The following PLXDC2 variants were observed in gnomAD, a reference collection of about 807,000 sequenced individuals.
The protein encoded by PLXDC2 is plexin domain-containing protein 2.
PLXDC2 carries 40 observed loss-of-function variants against 68.9 expected under a neutral mutation model. The ratio of observed to expected loss-of-function variants is 0.58; its 90% CI spans 0.45 to 0.76. The LOEUF (loss-of-function observed/expected upper bound fraction) is 0.76. PLXDC2 is among the 30% of genes least tolerant of loss of function. The pLI, the probability that PLXDC2 is intolerant of heterozygous loss-of-function variation, is 0.00. For synonymous variants in PLXDC2, 243 were observed against 234.2 expected, an observed-to-expected ratio of 1.04 and a Z score of -0.34; for missense variants, 644 against 661.9, an observed-to-expected ratio of 0.97 and a Z score of 0.30.
At chr10:20,150,039 C>T (rs888056209) in intron 6 of PLXDC2, among the ~76,000 whole-genome samples, 13 of 152,228 alleles carry the variant, frequency 8.5e-5, no homozygotes, top group African/African-American at 1.9e-4. Flanking sequence ...CCCCCATCAT[C>T]GACATACCCC....
chr10:20,071,869 G>A (rs1192415520), intron 4 of PLXDC2, among the ~76,000 whole-genome samples: 1 of 152,156 alleles, frequency 6.6e-6, no homozygotes, highest in Non-Finnish European at 1.5e-5. Context: ...AGGCAAAGAG[G>A]CAGTTGAGAA....
chr10:19,964,727 C>T (rs1487309081), intron 1 of PLXDC2, among the ~76,000 whole-genome samples: 14 of 151,796 alleles, frequency 9.2e-5, no homozygotes, highest in Admixed American at 7.2e-4. Flanking sequence ...TGAGGGCAGG[C>T]ACCATTTGTT....
At chr10:19,920,220 G>A (rs1025247585) in intron 1 of PLXDC2, among the ~76,000 whole-genome samples, 9 of 152,138 alleles carry the variant, frequency 5.9e-5, no homozygotes, top group Non-Finnish European at 8.8e-5. Context: ...GATACATAAC[G>A]GGTGGTGGGG....
chr10:19,888,986 A>AT (rs933557433), intron 1 of PLXDC2, among the ~76,000 whole-genome samples: 5 of 151,776 alleles, frequency 3.3e-5, no homozygotes, highest in South Asian at 2.1e-4. Context: ...TTTGATAGAC[A>AT]TTTTTTTTCA....
chr10:19,839,574 C>T (rs1836865860), intron 1 of PLXDC2, among the ~76,000 whole-genome samples: 1 of 151,274 alleles, frequency 6.6e-6, no homozygotes, highest in Admixed American at 6.6e-5. Context: ...TTGCTTCACC[C>T]TTAATTCTTT....
At chr10:19,899,326 G>T (rs1036833081) in intron 1 of PLXDC2, among the ~76,000 whole-genome samples, 9 of 152,112 alleles carry the variant, frequency 5.9e-5, no homozygotes, top group African/African-American at 2.2e-4. Context: ...GTTATCATAA[G>T]GTCCGATTTC....
At chr10:20,151,557 C>G (rs897659666) in intron 6 of PLXDC2, among the ~76,000 whole-genome samples, 1 of 152,132 alleles carries the variant, frequency 6.6e-6, no homozygotes, top group Non-Finnish European at 1.5e-5. Flanking sequence ...CCCAAGACAT[C>G]TCAACCATTT....
chr10:20,174,579 G>A (rs905414993), intron 7 of PLXDC2, among the ~76,000 whole-genome samples: 2 of 151,944 alleles, frequency 1.3e-5, no homozygotes, highest in Non-Finnish European at 2.9e-5. Flanking sequence ...ATAATGTCAT[G>A]ATGAGTAATT....
intron 4 of PLXDC2, among the ~76,000 whole-genome samples, chr10:20,142,990 A>G (rs973154320): frequency 6.6e-6 from 1 of 152,052 alleles, no homozygotes; most frequent in African/African-American, 2.4e-5. Flanking sequence ...AATTACTTAT[A>G]ATACTGTATT....
intron 4 of PLXDC2, among the ~76,000 whole-genome samples, chr10:20,107,035 C>CTA (rs1230530945): frequency 6.8e-6 from 1 of 147,914 alleles, no homozygotes; most frequent in African/African-American, 2.5e-5. Context: ...ACACCATATA[C>CTA]TATATATATA....
chr10:20,272,133 G>C (rs1255166229), intron 13 of PLXDC2, among the ~76,000 whole-genome samples: 1 of 152,072 alleles, frequency 6.6e-6, no homozygotes, highest in Non-Finnish European at 1.5e-5. Context: ...AGGGGATGTA[G>C]CTTTTTAAAA....
intron 4 of PLXDC2, among the ~76,000 whole-genome samples, chr10:20,135,313 G>A (rs1327749476): frequency 6.6e-6 from 1 of 152,156 alleles, no homozygotes; most frequent in African/African-American, 2.4e-5. Context: ...GCAAGGGTTG[G>A]CATGCATAGT....
chr10:19,896,166 G>A (rs898240789), intron 1 of PLXDC2, among the ~76,000 whole-genome samples: 4 of 152,180 alleles, frequency 2.6e-5, no homozygotes, highest in African/African-American at 9.7e-5. Flanking sequence ...CAATCAGGCT[G>A]AGTCCAAGAA....
chr10:20,135,647 G>T (rs1833924094), intron 4 of PLXDC2, among the ~76,000 whole-genome samples: 2 of 151,958 alleles, frequency 1.3e-5, no homozygotes. Flanking sequence ...GTTCTTTCTG[G>T]AGCTGTGGAG....
chr10:20,128,059 C>T (rs1221088368), intron 4 of PLXDC2, among the ~76,000 whole-genome samples: 1 of 152,120 alleles, frequency 6.6e-6, no homozygotes, highest in Non-Finnish European at 1.5e-5. Context: ...CACTCACAAA[C>T]ATGGAAGTGG....
intron 4 of PLXDC2, among the ~76,000 whole-genome samples, chr10:20,111,058 A>G (rs1261309293): frequency 6.6e-6 from 1 of 152,210 alleles, no homozygotes; most frequent in Non-Finnish European, 1.5e-5. Flanking sequence ...GCCTAGTTAT[A>G]CAACAGAAAT....
intron 2 of PLXDC2, among the ~76,000 whole-genome samples, chr10:20,040,518 T>C (rs748622266): frequency 2.0e-5 from 3 of 152,194 alleles, no homozygotes; most frequent in Non-Finnish European, 4.4e-5. Context: ...TATACTCAGC[T>C]ACCCTAATTA....
At chr10:19,963,589 A>G (rs562655775) in intron 1 of PLXDC2, among the ~76,000 whole-genome samples, 5 of 152,184 alleles carry the variant, frequency 3.3e-5, no homozygotes, top group Non-Finnish European at 7.3e-5. Flanking sequence ...TCGCAAGGCC[A>G]AAAAACCAAA....
chr10:19,984,124 G>A (rs1033263899), intron 1 of PLXDC2, among the ~76,000 whole-genome samples: 4 of 152,168 alleles, frequency 2.6e-5, no homozygotes, highest in African/African-American at 9.7e-5. Flanking sequence ...TTTCCTATAT[G>A]GGTATAATTC....
Sources: allele counts gnomAD v4.1 joint callset (sites outside exome capture counted in the v4.1 genomes callset), GRCh38; gene constraint gnomAD v4.1.1; transcripts MANE v1.5; gene names NCBI Gene and HGNC (gene_info 2026-07-23, HGNC 2026-07-21).